The following UXS1 variants were observed in gnomAD, a reference collection of about 807,000 sequenced individuals.
UXS1 encodes the protein UDP-glucuronic acid decarboxylase 1.
Under a neutral mutation model 62.6 loss-of-function variants are expected in UXS1, and 33 were observed. The observed-to-expected ratio is 0.53, with a 90% CI of 0.40 to 0.70. The LOEUF (loss-of-function observed/expected upper bound fraction) is 0.70, where lower values mean the gene tolerates loss of function less well. Ranked by LOEUF, UXS1 falls within the 30% of genes least tolerant of loss-of-function variation. The pLI is 0.00. For missense variants in UXS1, 434 were observed against 556.3 expected, an observed-to-expected ratio of 0.78 and a Z score of 2.21; for synonymous variants, 213 against 206.8, an observed-to-expected ratio of 1.03 and a Z score of -0.26.
intron 9 of UXS1, among the ~76,000 whole-genome samples, chr2:106,118,575 C>A (rs557748344): frequency 2.6e-5 from 4 of 152,176 alleles, no homozygotes; most frequent in Non-Finnish European, 5.9e-5. Flanking sequence ...CTGGCAAGTT[C>A]TAACTATTCG....
At chr2:106,097,217 T>A (rs1486081001) in intron 13 of UXS1, 3 of 458,768 alleles carry the variant, frequency 6.5e-6, no homozygotes, top group Non-Finnish European at 1.3e-5. Flanking sequence ...GGGCCATCCC[T>A]GAGGTGGATG....
At chr2:106,191,084 G>C (rs1684900553) in intron 1 of UXS1, among the ~76,000 whole-genome samples, 1 of 152,166 alleles carries the variant, frequency 6.6e-6, no homozygotes, top group South Asian at 2.1e-4. Flanking sequence ...AAGAACTCAA[G>C]TACAATGCAA....
In UXS1 at chr2:106,163,685, A is replaced by C; in HGVS notation, c.212T>G (p.Ile71Ser). The C allele has an allele frequency of 2.0e-6, 3 of 1,471,516 alleles. No homozygotes were observed. Among genetic ancestry groups the C allele is most frequent in the Non-Finnish European group, 2.7e-6 (3 of 1,109,750 alleles). 91.2% of individuals were successfully genotyped at this position (1,471,516 alleles called of 1,614,324 possible). ...EEMVEPLREK[I>S]RDLEKSFTQK... Reference sequence around the variant, plus strand: ...CACATACCTTTTTTCTAAATCTCTGATTTTCTCTCTTAGTGGTTCAACCAT... The same window carrying C: ...CACATACCTTTTTTCTAAATCTCTGCTTTTCTCTCTTAGTGGTTCAACCAT... Residue 71 changes from isoleucine (I) to serine (S), a missense_variant, in exon 4 of 15, where the codon ATC becomes AGC. Around this residue, in one of 3 missense-constraint regions of UXS1, gnomAD observed 134 missense variants for 251.9 expected, o/e 0.53. Transcript: ENST00000283148.
At chr2:106,114,216 G>C (rs895571321) in intron 9 of UXS1, among the ~76,000 whole-genome samples, 4 of 152,166 alleles carry the variant, frequency 2.6e-5, no homozygotes, top group Non-Finnish European at 5.9e-5. Context: ...ATATGAAAAA[G>C]GGTGAGAGGC....
chr2:106,193,034 C>T (rs1685029117), intron 1 of UXS1, among the ~76,000 whole-genome samples: 1 of 152,136 alleles, frequency 6.6e-6, no homozygotes, highest in African/African-American at 2.4e-5. Flanking sequence ...ACATCTAACA[C>T]CCATCCGACG....
At chr2:106,151,123 A>G (rs555550878) in intron 5 of UXS1, among the ~76,000 whole-genome samples, 2 of 152,318 alleles carry the variant, frequency 1.3e-5, no homozygotes, top group South Asian at 2.1e-4. Context: ...CCCATAGCTG[A>G]AGGGGAATTT....
intron 1 of UXS1, among the ~76,000 whole-genome samples, chr2:106,174,818 G>C (rs1466572400): frequency 6.6e-6 from 1 of 151,646 alleles, no homozygotes; most frequent in Admixed American, 6.6e-5. Flanking sequence ...GGCCCCAAGA[G>C]GTAGCCGGTG....
chr2:106,112,791 G>A (rs778376730), intron 9 of UXS1, 26 bp from the exon 10 acceptor site: 1 of 1,609,686 alleles, frequency 6.2e-7, no homozygotes, highest in Non-Finnish European at 8.5e-7. Flanking sequence ...GAGGAGGTCA[G>A]GTGTGCTCCC....
intron 9 of UXS1, among the ~76,000 whole-genome samples, chr2:106,117,685 C>T (rs148369949): frequency 2.6e-5 from 4 of 152,194 alleles, no homozygotes; most frequent in Non-Finnish European, 4.4e-5. Context: ...CACCAAGGTA[C>T]AGCAGCCCAG....
chr2:106,180,463 TAC>T (rs1254440938), intron 1 of UXS1, among the ~76,000 whole-genome samples: 5 of 152,356 alleles, frequency 3.3e-5, no homozygotes, highest in African/African-American at 1.2e-4. Context: ...GCAAAAATAC[TAC>T]AGAGAGAAAG....
chr2:106,110,318 A>G (rs1014201388), intron 10 of UXS1, among the ~76,000 whole-genome samples: 3 of 152,114 alleles, frequency 2.0e-5, no homozygotes, highest in African/African-American at 7.2e-5. Context: ...AAGACAACAC[A>G]TGAGTTATCA....
At chr2:106,110,071 A>C (rs1300710485) in intron 10 of UXS1, among the ~76,000 whole-genome samples, 1 of 152,072 alleles carries the variant, frequency 6.6e-6, no homozygotes, top group African/African-American at 2.4e-5. Context: ...ATGATATCTC[A>C]ATTGGACAGA....
intron 5 of UXS1, among the ~76,000 whole-genome samples, chr2:106,156,523 G>T (rs948746250): frequency 6.6e-6 from 1 of 152,120 alleles, no homozygotes; most frequent in African/African-American, 2.4e-5. Context: ...TATAACAAAC[G>T]TACAGTCATC....
At chr2:106,158,151 G>A (rs1348905510) in intron 4 of UXS1, 33 bp from the exon 5 acceptor site, 1 of 1,492,662 alleles carries the variant, frequency 6.7e-7, no homozygotes, top group African/African-American at 1.4e-5. Context: ...AAAGGAAAAA[G>A]TCAAACATCT....
chr2:106,123,949 G>T (rs1679727263), intron 8 of UXS1, among the ~76,000 whole-genome samples: 1 of 152,210 alleles, frequency 6.6e-6, no homozygotes, highest in Non-Finnish European at 1.5e-5. Flanking sequence ...GGCCTGAGCA[G>T]GTGCAGGGAG....
intron 4 of UXS1, among the ~76,000 whole-genome samples, chr2:106,159,552 A>G (rs991778093): frequency 6.6e-6 from 1 of 152,246 alleles, no homozygotes; most frequent in Admixed American, 6.5e-5. Context: ...ACGTCCAGTG[A>G]GAGGTAATAA....
chr2:106,155,687 AC>A (rs1289396566), intron 5 of UXS1, among the ~76,000 whole-genome samples: 1 of 152,212 alleles, frequency 6.6e-6, no homozygotes, highest in Admixed American at 6.5e-5. Flanking sequence ...TATGATGCTC[AC>A]AGAACAACAA....
At chr2:106,149,021 T>C (rs1673880227) in intron 5 of UXS1, among the ~76,000 whole-genome samples, 1 of 152,148 alleles carries the variant, frequency 6.6e-6, no homozygotes. Flanking sequence ...CTTAGCAAAT[T>C]AGCAAAAAAT....
chr2:106,093,807 A>T lies in UXS1; in HGVS notation c.*219T>A. 1 of 528,576 alleles carries T rather than the reference A, an allele frequency of 1.9e-6. No individual in the cohort carries two copies. Among genetic ancestry groups the T allele is most frequent in the Non-Finnish European group, 3.1e-6 (1 of 322,110 alleles). The allele number at this position is 528,576 out of a possible 1,614,324, so 32.7% of individuals were successfully genotyped here. A position where few individuals can be genotyped will look rare whatever the true frequency, so the allele number is the denominator to read the frequency against. ...CGCAGAGATGCATCTACGCTATTTT[A>T]CATAAAAAGAGAGATTCAAAAAGTG... On this transcript the variant is annotated 3_prime_UTR_variant, in exon 15 of 15. Transcript: ENST00000283148.
Sources: allele counts gnomAD v4.1 joint callset (sites outside exome capture counted in the v4.1 genomes callset), GRCh38; gene constraint gnomAD v4.1.1; regional missense constraint gnomAD v4.1.1; transcripts MANE v1.5; gene names NCBI Gene and HGNC (gene_info 2026-07-23, HGNC 2026-07-21).